STAT3: variants seen among roughly 807,000 people sequenced by gnomAD.
STAT3 encodes the protein DNA-binding protein APRF.
A neutral mutation model predicts 114.3 loss-of-function variants in STAT3; 7 were observed. That is an observed-to-expected ratio of 0.06 (90% CI 0.03 to 0.11). The LOEUF (loss-of-function observed/expected upper bound fraction) is 0.11. Among genes scored for constraint, STAT3 ranks in the 10% least tolerant of loss-of-function variants. The pLI is 1.00. For synonymous variants in STAT3, 331 were observed against 354.5 expected, an observed-to-expected ratio of 0.93 and a Z score of 0.74; for missense variants, 364 against 960.9, an observed-to-expected ratio of 0.38 and a Z score of 8.21.
intron 21 of STAT3, among the ~76,000 whole-genome samples, chr17:42,320,367 A>G (rs1049202147): frequency 3.3e-5 from 5 of 152,194 alleles, no homozygotes; most frequent in Admixed American, 2.6e-4. Context: ...TGTGTGTGCT[A>G]TTTGGACAAA....
intron 1 of STAT3, among the ~76,000 whole-genome samples, chr17:42,379,026 A>G (rs1310117648): frequency 6.6e-6 from 1 of 152,148 alleles, no homozygotes. Flanking sequence ...CAAATCAATC[A>G]AACAAAGCGG....
chr17:42,384,652 T>C (rs2084997690), intron 1 of STAT3, among the ~76,000 whole-genome samples: 1 of 151,906 alleles, frequency 6.6e-6, no homozygotes, highest in African/African-American at 2.4e-5. Flanking sequence ...CCCCCGGGGC[T>C]TGGGTGATCC....
intron 21 of STAT3, among the ~76,000 whole-genome samples, 157 bp downstream of exon 21, chr17:42,322,125 G>A (rs897899836): frequency 3.9e-5 from 6 of 152,014 alleles, no homozygotes; most frequent in African/African-American, 1.5e-4. Context: ...AAATCCCATC[G>A]GTCACCCCAA....
In STAT3 at chr17:42,322,287, G is replaced by C; in HGVS notation, c.2096C>G (p.Pro699Arg). 6.2e-7 allele frequency: 1 copy of C among 1,614,186 alleles called. No homozygotes were observed. The highest frequency in any genetic ancestry group is 8.5e-7 in the Non-Finnish European group (1 of 1,180,038). ...PESQEHPEAD[P>R]GSAAPYLKTK... The stretch of plus-strand genomic sequence containing the variant: ...GAACATGGAAAATCAACAACTACCT[G>C]GGTCAGCTTCAGGATGCTCCTGGCT... The change falls in exon 21 of 24, where the codon CCA becomes CGA. Residue 699 changes from proline (P) to arginine (R), a missense_variant. This residue lies in a region of STAT3 where 21 missense variants were observed against 43.2 expected (regional missense o/e 0.49). Coordinates refer to ENST00000264657, the MANE Select transcript of STAT3 (RefSeq NM_139276.3).
chr17:42,335,158 T>C (rs1358443026), intron 8 of STAT3, among the ~76,000 whole-genome samples: 1 of 151,358 alleles, frequency 6.6e-6, no homozygotes, highest in Non-Finnish European at 1.5e-5. Flanking sequence ...AGGGTCCCAC[T>C]CTGTGGCCTA....
At chr17:42,370,638 T>C (rs1333768164) in intron 1 of STAT3, among the ~76,000 whole-genome samples, 1 of 151,720 alleles carries the variant, frequency 6.6e-6, no homozygotes, top group Non-Finnish European at 1.5e-5. Context: ...TTTTGTTTTT[T>C]TTTTTAAGAG....
intron 4 of STAT3, among the ~76,000 whole-genome samples, chr17:42,340,685 A>G (rs531272675): frequency 2.6e-5 from 4 of 152,244 alleles, no homozygotes; most frequent in Admixed American, 2.6e-4. Flanking sequence ...CCAAGCCCAC[A>G]GAATACAAAC....
Position 42,322,303 on chromosome 17 carries a change from G to A in STAT3, c.2080C>T (p.His694Tyr), listed in dbSNP as rs2144678142. The A allele has an allele frequency of 6.2e-7, 1 of 1,614,220 alleles. No individual in the cohort carries two copies. Among genetic ancestry groups the A allele is most frequent in the Non-Finnish European group, 8.5e-7 (1 of 1,180,044 alleles). ...GKYCRPESQE[H>Y]PEADPGSAAP... The stretch of plus-strand genomic sequence containing the variant: ...CAACTACCTGGGTCAGCTTCAGGAT[G>A]CTCCTGGCTCTCTGGCCGACAATAC... The change falls in exon 21 of 24, where the codon CAT becomes TAT. Residue 694 changes from histidine (H) to tyrosine (Y), a missense_variant. His to Tyr is a moderately conservative substitution (Grantham distance 83). This residue lies in a region of STAT3 where 21 missense variants were observed against 43.2 expected (regional missense o/e 0.49). Coordinates refer to ENST00000264657, the MANE Select transcript of STAT3 (RefSeq NM_139276.3).
chr17:42,349,817 G>A (rs2082858116), intron 1 of STAT3, among the ~76,000 whole-genome samples: 1 of 152,234 alleles, frequency 6.6e-6, no homozygotes, highest in Middle Eastern at 3.2e-3. Flanking sequence ...AGCACTTTGG[G>A]AGGCCAAGGC....
intron 8 of STAT3, 85 bp from the exon 9 acceptor site, chr17:42,334,134 T>C: frequency 6.8e-7 from 1 of 1,478,358 alleles, no homozygotes; most frequent in Non-Finnish European, 9.4e-7. Context: ...ACTGAAGACA[T>C]GGAGACCACT....
In STAT3 at chr17:42,315,449, CACAAG is replaced by C; in HGVS notation, c.*291_*295del. 1 of 539,128 alleles carries C rather than the reference CACAAG, an allele frequency of 1.9e-6. No individual in the cohort carries two copies. The highest frequency in any genetic ancestry group is 3.3e-6 in the Non-Finnish European group (1 of 298,654). 33.4% of individuals were successfully genotyped at this position (539,128 alleles called of 1,614,324 possible). A position where few individuals can be genotyped will look rare whatever the true frequency, so the allele number is the denominator to read the frequency against. ...AAAGGAGGGCAGGGGAACAAAACAA[CACAAG>C]ACATTTCCTTTTTCTCCCTCTAGCC... On this transcript the variant is annotated 3_prime_UTR_variant, in exon 24 of 24. Coordinates refer to ENST00000264657, the MANE Select transcript of STAT3 (RefSeq NM_139276.3).
chr17:42,386,154 G>A (rs1257926968), intron 1 of STAT3, among the ~76,000 whole-genome samples: 4 of 151,924 alleles, frequency 2.6e-5, no homozygotes, highest in Admixed American at 6.6e-5. Context: ...GGTGGCGCAC[G>A]CCTGTAGTCC....
intron 4 of STAT3, among the ~76,000 whole-genome samples, chr17:42,340,902 G>A (rs1158102508): frequency 6.6e-6 from 1 of 152,108 alleles, no homozygotes; most frequent in Non-Finnish European, 1.5e-5. Context: ...TCTAGAAGCA[G>A]GTCTAGAGGC....
intron 4 of STAT3, among the ~76,000 whole-genome samples, chr17:42,342,938 C>T (rs972146144): frequency 1.3e-5 from 2 of 149,684 alleles, no homozygotes; most frequent in Non-Finnish European, 3.0e-5. Flanking sequence ...AGCTCTTTCT[C>T]ATCAGTTGAT....
chr17:42,359,805 A>G (rs1307402615), intron 1 of STAT3, among the ~76,000 whole-genome samples: 1 of 152,114 alleles, frequency 6.6e-6, no homozygotes, highest in African/African-American at 2.4e-5. Context: ...TCACGCCTGT[A>G]ATCCCAACAC....
At chr17:42,339,092 A>T (rs983974620) in intron 5 of STAT3, among the ~76,000 whole-genome samples, 8 of 146,770 alleles carry the variant, frequency 5.5e-5, no homozygotes, top group Admixed American at 1.4e-4. Context: ...ATCTCTACAA[A>T]TTTTTTTTTT....
intron 1 of STAT3, chr17:42,386,912 A>G (rs532220854): frequency 6.6e-6 from 1 of 152,310 alleles, no homozygotes; most frequent in South Asian, 2.1e-4. Context: ...TGTCTGGAAC[A>G]TGTAATAAGG....
At chr17:42,387,595 T>C (rs1483181889) in intron 1 of STAT3, 3 of 152,140 alleles carry the variant, frequency 2.0e-5, no homozygotes, top group African/African-American at 7.2e-5. Flanking sequence ...GATTTTATTT[T>C]GTCTTTTTTT....
intron 1 of STAT3, among the ~76,000 whole-genome samples, chr17:42,351,086 G>A (rs572135674): frequency 8.2e-5 from 12 of 145,566 alleles, no homozygotes; most frequent in Non-Finnish European, 1.2e-4. Flanking sequence ...AGCCGAGATC[G>A]TGCCACTGCA....
Sources: gnomAD v4.1 joint callset for allele counts (sites outside exome capture counted in the v4.1 genomes callset) on GRCh38, gnomAD v4.1.1 for gene constraint, gnomAD v4.1.1 regional missense constraint, MANE v1.5 for transcripts, NCBI Gene and HGNC (gene_info 2026-07-23, HGNC 2026-07-21) for gene names.